The following CCDC18 variants were observed in gnomAD, a reference collection of about 807,000 sequenced individuals.
The protein encoded by CCDC18 is coiled-coil domain-containing protein 18.
Under a neutral mutation model 196.0 loss-of-function variants are expected in CCDC18, and 157 were observed. The observed-to-expected ratio is 0.80, with a 90% CI of 0.70 to 0.91. CCDC18 has a LOEUF of 0.91. Ranked by LOEUF, CCDC18 falls within the 40% of genes least tolerant of loss-of-function variation. CCDC18 has a pLI of 0.00. For synonymous variants in CCDC18, 482 were observed against 529.2 expected (o/e 0.91, Z 1.22); for missense variants, 1,465 against 1,611.6 (o/e 0.91, Z 1.56).
At chr1:93,262,303 C>A (rs1189993695) in intron 26 of CCDC18, 1 of 152,192 alleles carries the variant, frequency 6.6e-6, no homozygotes, top group Non-Finnish European at 1.5e-5. Flanking sequence ...CTCATTCCAG[C>A]ATTAACCCAA....
intron 7 of CCDC18, among the ~76,000 whole-genome samples, chr1:93,202,214 G>T (rs1653942818): frequency 6.6e-6 from 1 of 152,172 alleles, no homozygotes; most frequent in Admixed American, 6.5e-5. Flanking sequence ...AGAGTAGAGA[G>T]AGGAGAAGGA....
intron 4 of CCDC18, among the ~76,000 whole-genome samples, chr1:93,187,554 T>C (rs1650935156): frequency 6.6e-6 from 1 of 152,160 alleles, no homozygotes; most frequent in Non-Finnish European, 1.5e-5. Flanking sequence ...AGGCTTTCAC[T>C]ATTTACTTTT....
At chr1:93,210,689 C>T (rs1227807080) in intron 9 of CCDC18, 113 bp from the exon 10 acceptor site, 20 of 667,756 alleles carry the variant, frequency 3.0e-5, no homozygotes, top group Non-Finnish European at 4.6e-5. Context: ...TATTGATGGA[C>T]ATTAAGTTGT....
rs772412083 is a variant in CCDC18, at chr1:93,239,783, A to G, written c.2868A>G (p.Gly956=). ...AGACTGAACTACAAAATGCTCATGG[A>G]GAATTAAAAAGTACTTTAAGACAAC... ...VLETELQNAH[G]ELKSTLRQLQ... Residue 956 remains glycine, a synonymous_variant, in exon 21 of 29, where the codon GGA becomes GGG. Transcript: ENST00000690025. The G allele has an allele frequency of 2.5e-6, 4 of 1,613,484 alleles. No individual in the cohort carries two copies. The highest frequency in any genetic ancestry group is 1.7e-6 in the Non-Finnish European group (2 of 1,179,488).
intron 23 of CCDC18, among the ~76,000 whole-genome samples, chr1:93,251,366 G>A (rs1662231196): frequency 6.6e-6 from 1 of 152,046 alleles, no homozygotes; most frequent in Non-Finnish European, 1.5e-5. Context: ...AAAGATATAA[G>A]TGGTTTACAC....
intron 27 of CCDC18, among the ~76,000 whole-genome samples, chr1:93,266,461 G>C (rs1265177921): frequency 6.6e-6 from 1 of 152,126 alleles, no homozygotes; most frequent in Non-Finnish European, 1.5e-5. Flanking sequence ...AACTGAAGGA[G>C]ATAGAGACAC....
chr1:93,264,536 T>C, intron 26 of CCDC18, 165 bp from the exon 27 acceptor site: 3 of 483,706 alleles, frequency 6.2e-6, no homozygotes, highest in Non-Finnish European at 1.1e-5. Context: ...CTTTGTTCCC[T>C]TTTTCCTCTA....
chr1:93,250,254 A>T (rs1161833959), intron 23 of CCDC18, among the ~76,000 whole-genome samples: 8 of 151,802 alleles, frequency 5.3e-5, no homozygotes, highest in Non-Finnish European at 1.5e-5. Flanking sequence ...GATGATGAGC[A>T]CTTGTACTCC....
At chr1:93,263,462 G>A (rs1664089761) in intron 26 of CCDC18, among the ~76,000 whole-genome samples, 2 of 152,070 alleles carry the variant, frequency 1.3e-5, no homozygotes, top group African/African-American at 4.8e-5. Flanking sequence ...TTCTCTCAGA[G>A]ACCCTAAATC....
chr1:93,193,501 ATT>A lies in CCDC18; in HGVS notation c.570-114_570-113del, dbSNP rs1420804412. The A allele has an allele frequency of 4.9e-5, 30 of 608,952 alleles. No homozygotes were observed. The East Asian group carries it at 1.0e-3, about 21-fold the overall frequency. The allele number at this position is 608,952 out of a possible 1,614,324, so 37.7% of individuals were successfully genotyped here. On this transcript the variant is annotated intron_variant, in intron 5 of 28. Coordinates refer to ENST00000690025, the MANE Select transcript of CCDC18 (RefSeq NM_001378204.1). ...CCTTTTTCTCTATCTCTTTTTGTATATTGTTTCTCTTAACTCATTGATTTAAA... is the reference window on the plus strand; with the variant it reads ...CCTTTTTCTCTATCTCTTTTTGTATAGTTTCTCTTAACTCATTGATTTAAA...
At chr1:93,227,971 A>ATATATATAT (rs1553175508) in intron 17 of CCDC18, among the ~76,000 whole-genome samples, 24 of 125,322 alleles carry the variant, frequency 1.9e-4, no homozygotes, top group South Asian at 9.8e-4. Context: ...AAAAAAAAAA[A>ATATATATAT]ATATATATAT....
At chr1:93,256,297 T>C in intron 24 of CCDC18, 38 bp from the exon 25 acceptor site, 1 of 1,574,090 alleles carries the variant, frequency 6.4e-7, no homozygotes, top group Non-Finnish European at 8.7e-7. Flanking sequence ...TATCTATATA[T>C]TTCATTCTGA....
intron 2 of CCDC18, 45 bp downstream of exon 2, chr1:93,183,540 C>T: frequency 7.4e-7 from 1 of 1,350,930 alleles, no homozygotes; most frequent in Admixed American, 2.3e-5. Flanking sequence ...GCCTTAAATA[C>T]ATCAATGTAA....
At chr1:93,186,268 T>A in intron 3 of CCDC18, 77 bp from the exon 4 acceptor site, 1 of 1,324,088 alleles carries the variant, frequency 7.6e-7, no homozygotes, top group Non-Finnish European at 1.1e-6. Context: ...TAATAATTGC[T>A]CATAATTTTC....
chr1:93,226,182 A>G, intron 16 of CCDC18, 151 bp from the exon 17 acceptor site: 3 of 431,796 alleles, frequency 6.9e-6, no homozygotes, highest in South Asian at 5.0e-5. Context: ...AGTTTACTCA[A>G]TAAATATCTT....
At chr1:93,220,282 C>CA (rs1657194106) in intron 14 of CCDC18, among the ~76,000 whole-genome samples, 1 of 151,908 alleles carries the variant, frequency 6.6e-6, no homozygotes, top group Non-Finnish European at 1.5e-5. Context: ...TTATATCCAA[C>CA]AAAAATACTC....
intron 4 of CCDC18, 77 bp downstream of exon 4, chr1:93,186,580 T>C: frequency 8.6e-7 from 1 of 1,161,694 alleles, no homozygotes. Flanking sequence ...ATATTCCTTG[T>C]ATTGCCACAT....
At chr1:93,240,047 T>C in intron 21 of CCDC18, 151 bp downstream of exon 21, 1 of 616,280 alleles carries the variant, frequency 1.6e-6, no homozygotes, top group Non-Finnish European at 2.8e-6. Context: ...CTTATCTAAC[T>C]AATTCAGCTG....
intron 2 of CCDC18, among the ~76,000 whole-genome samples, chr1:93,183,735 T>C (rs185407461): frequency 3.0e-4 from 45 of 152,184 alleles, no homozygotes; most frequent in African/African-American, 1.1e-3. Flanking sequence ...TTTTGGGCTT[T>C]ACTAATTTTT....
Sources: allele counts gnomAD v4.1 joint callset (sites outside exome capture counted in the v4.1 genomes callset), GRCh38; gene constraint gnomAD v4.1.1; transcripts MANE v1.5; gene names NCBI Gene and HGNC (gene_info 2026-07-23, HGNC 2026-07-21).